GATA4: variants seen among roughly 807,000 people sequenced by gnomAD.
GATA4 encodes the protein GATA binding protein 4.
In GATA4, 7 loss-of-function variants were observed where a neutral mutation model predicts 37.9. That is an observed-to-expected ratio of 0.18 (90% CI 0.11 to 0.35). The LOEUF is 0.35. Among genes scored for constraint, GATA4 ranks in the 10% least tolerant of loss-of-function variants. The pLI, the probability that GATA4 is intolerant of heterozygous loss-of-function variation, is 1.00. For missense variants in GATA4, 647 were observed against 653.0 expected, an observed-to-expected ratio of 0.99 and a Z score of 0.10; for synonymous variants, 372 against 292.6, an observed-to-expected ratio of 1.27 and a Z score of -2.77.
chr8:11,744,397 C>G (rs575407382), intron 2 of GATA4, among the ~76,000 whole-genome samples: 1 of 152,328 alleles, frequency 6.6e-6, no homozygotes, highest in East Asian at 1.9e-4. Context: ...TGATGCCTTC[C>G]AAGTGGCTGG....
chr8:11,726,608 G>C (rs1163163240), intron 2 of GATA4, among the ~76,000 whole-genome samples: 1 of 152,154 alleles, frequency 6.6e-6, no homozygotes, highest in Non-Finnish European at 1.5e-5. Flanking sequence ...GAGCAGGAGA[G>C]AGCCCCCAGG....
rs114693521 is a variant in GATA4 at position 11,729,234 on chromosome 8, G to A, written c.617-19682G>A. ...CAAGAAAAAAAAGATCTAGCTGAGGGAGTTGGGACCAGATGATTTTCTCCA... is the reference window on the plus strand; with the variant it reads ...CAAGAAAAAAAAGATCTAGCTGAGGAAGTTGGGACCAGATGATTTTCTCCA... On this transcript the variant is annotated intron_variant, in intron 2 of 6. Coordinates refer to ENST00000532059, the MANE Select transcript of GATA4 (RefSeq NM_001308093.3). Among the ~76,000 whole-genome samples the A allele has an allele frequency of 1.1e-3, 167 of 150,532 alleles. 1 individual carries two copies. The highest frequency in any genetic ancestry group is 4.0e-3 in the African/African-American group (164 of 40,938).
At chr8:11,717,251 G>C (rs1348017241) in intron 2 of GATA4, among the ~76,000 whole-genome samples, 4 of 152,206 alleles carry the variant, frequency 2.6e-5, no homozygotes, top group African/African-American at 9.7e-5. Flanking sequence ...TCTTGAATCT[G>C]TTTTAATTTA....
chr8:11,677,855 C>G (rs1429095381), intron 1 of GATA4, among the ~76,000 whole-genome samples: 3 of 151,956 alleles, frequency 2.0e-5, no homozygotes, highest in Non-Finnish European at 2.9e-5. Flanking sequence ...AGTTTTCTTC[C>G]CCAGGCCCAC....
intron 2 of GATA4, among the ~76,000 whole-genome samples, chr8:11,734,410 C>G (rs147953677): frequency 3.7e-4 from 56 of 152,336 alleles, no homozygotes; most frequent in African/African-American, 1.3e-3. Context: ...GTGAGAGACC[C>G]AAGCCTGCTT....
chr8:11,680,685 C>A (rs191505095), intron 1 of GATA4: 93 of 985,350 alleles, frequency 9.4e-5, no homozygotes, highest in Admixed American at 5.5e-4. Flanking sequence ...GAGACCCCCC[C>A]CTTGGGGAGA....
Position 11,749,266 on chromosome 8 carries a change from T to C in GATA4, c.786+181T>C, listed in dbSNP as rs564854605. ...CTGGAGCCACCAGAATGATCCAGGC[T>C]GTCTAGTTCAACCTCTTCGGCACAC... On this transcript the variant is annotated intron_variant, in intron 3 of 6. Coordinates refer to ENST00000532059, the MANE Select transcript of GATA4 (RefSeq NM_001308093.3). The surrounding 1 kb of genome is among the most constrained non-coding windows in gnomAD (Gnocchi z 4.6). 1.7e-3 allele frequency among the ~76,000 whole-genome samples: 255 copies of C among 152,360 alleles called. 1 individual carries two copies. Among genetic ancestry groups the C allele is most frequent in the African/African-American group, 5.8e-3 (241 of 41,592 alleles).
At chr8:11,702,473 C>A (rs1211537449), upstream of GATA4, among the ~76,000 whole-genome samples, 1 of 151,758 alleles carries the variant, frequency 6.6e-6, no homozygotes, top group African/African-American at 2.4e-5. This position sits in a 1 kb window ranked among gnomAD's most constrained non-coding sequence, Gnocchi z 4.4. Flanking sequence ...CTCGCTCGCC[C>A]CCCACGAAGA....
chr8:11,740,677 A>G (rs575303375), intron 2 of GATA4, among the ~76,000 whole-genome samples: 24 of 152,318 alleles, frequency 1.6e-4, no homozygotes, highest in Non-Finnish European at 2.5e-4. Flanking sequence ...AGAGTTTTCA[A>G]ATAGAAATGT....
chr8:11,727,511 T>C (rs1800986480), intron 2 of GATA4, among the ~76,000 whole-genome samples: 1 of 152,174 alleles, frequency 6.6e-6, no homozygotes, highest in African/African-American at 2.4e-5. Context: ...TAGAGTCTAG[T>C]AAGTGGTTAA....
intron 2 of GATA4, among the ~76,000 whole-genome samples, chr8:11,713,919 C>G (rs562178336): frequency 1.3e-5 from 2 of 152,156 alleles, no homozygotes; most frequent in Admixed American, 1.3e-4. Context: ...AACCCAGTCA[C>G]GGTGGTTACA....
intron 1 of GATA4, among the ~76,000 whole-genome samples, chr8:11,682,478 G>C (rs78241658): frequency 0.012 from 1,878 of 152,262 alleles, 34 homozygotes; most frequent in East Asian, 0.05. Flanking sequence ...TCATACATGA[G>C]AATTTTATTT....
chr8:11,726,937 T>G lies in GATA4; in HGVS notation c.616+18009T>G, dbSNP rs368337992. Reference sequence around the variant, plus strand: ...CTTCCGGAGTTTTCACTCATCTAGTTTGTCCTTTCCCATCTTGGGTGCCTC... The same window carrying G: ...CTTCCGGAGTTTTCACTCATCTAGTGTGTCCTTTCCCATCTTGGGTGCCTC... On this transcript the variant is annotated intron_variant, in intron 2 of 6. Coordinates refer to ENST00000532059, the MANE Select transcript of GATA4 (RefSeq NM_001308093.3). Among the ~76,000 whole-genome samples the G allele has an allele frequency of 1.6e-4, 25 of 152,268 alleles. No individual in the cohort carries two copies. In the South Asian group the frequency reaches 4.4e-3, roughly 27 times the overall value.
chr8:11,731,389 G>T (rs1801201546), intron 2 of GATA4, among the ~76,000 whole-genome samples: 1 of 152,258 alleles, frequency 6.6e-6, no homozygotes, highest in African/African-American at 2.4e-5. Context: ...GCTCAGTGGA[G>T]TATTACTCAG....
intron 2 of GATA4, among the ~76,000 whole-genome samples, chr8:11,742,238 G>C (rs1226562314): frequency 6.6e-6 from 1 of 152,120 alleles, no homozygotes. Flanking sequence ...GCCTGTTACA[G>C]CCTTCACGCT....
intron 2 of GATA4, among the ~76,000 whole-genome samples, chr8:11,746,166 G>A (rs903810860): frequency 1.3e-5 from 2 of 151,714 alleles, no homozygotes; most frequent in African/African-American, 4.9e-5. Context: ...AGGTTCTAAG[G>A]AAGCTAGAGG....
chr8:11,756,648 A>C, intron 5 of GATA4: 1 of 502,918 alleles, frequency 2.0e-6, no homozygotes, highest in Non-Finnish European at 3.6e-6. Flanking sequence ...AATACACAGT[A>C]TTTGGATTTT....
chr8:11,704,052 T>G (rs932103909), upstream of GATA4: 1 of 152,262 alleles, frequency 6.6e-6, no homozygotes, highest in Non-Finnish European at 1.5e-5. Flanking sequence ...CTTTGCCTGC[T>G]GGGGGAGCTT....
intron 4 of GATA4, among the ~76,000 whole-genome samples, chr8:11,753,680 C>T (rs1042406092): frequency 1.3e-5 from 2 of 151,686 alleles, no homozygotes; most frequent in Admixed American, 6.6e-5. Flanking sequence ...ATGGTGGGGT[C>T]GGGGGGTGCA....
Sources: allele counts gnomAD v4.1 joint callset (sites outside exome capture counted in the v4.1 genomes callset), GRCh38; gene constraint gnomAD v4.1.1; non-coding constraint Gnocchi (gnomAD v3.1); transcripts MANE v1.5; gene names NCBI Gene and HGNC (gene_info 2026-07-23, HGNC 2026-07-21).